The following FASTKD1 variants were observed in gnomAD, a reference collection of about 807,000 sequenced individuals.
The protein encoded by FASTKD1 is FAST kinase domain-containing protein 1, mitochondrial.
A neutral mutation model predicts 90.9 loss-of-function variants in FASTKD1; 94 were observed. The ratio of observed to expected loss-of-function variants is 1.03; its 90% CI spans 0.88 to 1.23. The LOEUF is 1.23. FASTKD1 is among the 50% of genes most tolerant of loss of function. The pLI, the probability that FASTKD1 is intolerant of heterozygous loss-of-function variation, is 0.00. For synonymous variants in FASTKD1, 319 were observed against 345.8 expected, an observed-to-expected ratio of 0.92 and a Z score of 0.86; for missense variants, 945 against 993.5, an observed-to-expected ratio of 0.95 and a Z score of 0.66.
intron 9 of FASTKD1, among the ~76,000 whole-genome samples, chr2:169,544,438 G>A (rs1574378964): frequency 6.6e-6 from 1 of 151,988 alleles, no homozygotes. Context: ...GGGTGTGGTG[G>A]CACATGCTTA....
At chr2:169,568,801 C>A (rs1364281309) in intron 3 of FASTKD1, among the ~76,000 whole-genome samples, 1 of 151,772 alleles carries the variant, frequency 6.6e-6, no homozygotes, top group African/African-American at 2.4e-5. Flanking sequence ...GAGTTCAAGA[C>A]CAGCCTGGCC....
rs778610383 is a variant in FASTKD1 at position 169,560,707 on chromosome 2, TTC to T, written c.649_650del (p.Glu217ThrfsTer4). The T allele has an allele frequency of 2.1e-5, 34 of 1,609,010 alleles. No homozygotes were observed. The South Asian group carries it at 2.5e-4, about 12-fold the overall frequency. Reference protein sequence around the residue: ...HFQQQLVNKTELLFDTIDSSE... With the variant: ...HFQQQLVNKTXLLFDTIDSSE... Reference sequence around the variant, plus strand: ...AAGAATCTATGGTGTCAAAAAGAAGTTCTGTTTTGTTCACCAGTTGTTGTTGA... The same window carrying T: ...AAGAATCTATGGTGTCAAAAAGAAGTTGTTTTGTTCACCAGTTGTTGTTGA... On this transcript the variant is annotated frameshift_variant, in exon 5 of 15. Transcript: ENST00000453153. LOFTEE classifies it high-confidence loss of function.
intron 2 of FASTKD1, chr2:169,570,900 T>G (rs1433063425): frequency 6.6e-6 from 1 of 152,124 alleles, no homozygotes; most frequent in African/African-American, 2.4e-5. Flanking sequence ...GGTCTTGAAC[T>G]CCTGACCTCA....
chr2:169,568,475 T>C (rs902862200), intron 3 of FASTKD1, among the ~76,000 whole-genome samples: 2 of 149,430 alleles, frequency 1.3e-5, no homozygotes, highest in Non-Finnish European at 3.0e-5. Flanking sequence ...AGAGGAAAAA[T>C]ATGAAATACT....
At chr2:169,572,577 T>G (rs1199787570) in intron 1 of FASTKD1, among the ~76,000 whole-genome samples, 2 of 151,408 alleles carry the variant, frequency 1.3e-5, no homozygotes, top group Admixed American at 6.6e-5. Context: ...TTTTCAGAAG[T>G]ATGGTCTCAG....
rs1447032973 is a variant in FASTKD1 at position 169,571,450 on chromosome 2, T to C, written c.377+203A>G. On this transcript the variant is annotated intron_variant, in intron 2 of 14. Transcript: ENST00000453153. ...GTGGTGGCAGGCGCCTGTAGTCCCA[T>C]TGACTCGGAAGGCTGAGGCAGGAGA... Among the ~76,000 whole-genome samples, 5 of 149,020 alleles carry C rather than the reference T, an allele frequency of 3.4e-5. No individual in the cohort carries two copies. The highest frequency in any genetic ancestry group is 9.9e-5 in the African/African-American group (4 of 40,414).
chr2:169,566,842 C>T (rs535691577), intron 3 of FASTKD1, among the ~76,000 whole-genome samples: 41 of 152,302 alleles, frequency 2.7e-4, no homozygotes, highest in Admixed American at 9.8e-4. Flanking sequence ...ACAGGCTGGG[C>T]ACAGTGGCTC....
At chr2:169,531,630 C>A in intron 12 of FASTKD1, 140 bp from the exon 13 acceptor site, 1 of 648,448 alleles carries the variant, frequency 1.5e-6, no homozygotes, top group Non-Finnish European at 2.5e-6. Context: ...CTCAGATTAT[C>A]CAAGTTATTT....
At chr2:169,536,075 G>A (rs1684711483) in intron 12 of FASTKD1, among the ~76,000 whole-genome samples, 1 of 151,670 alleles carries the variant, frequency 6.6e-6, no homozygotes, top group Admixed American at 6.6e-5. Flanking sequence ...GAGCCCAGGA[G>A]TTTGAGACCA....
intron 14 of FASTKD1, among the ~76,000 whole-genome samples, chr2:169,530,163 C>A (rs1684416371): frequency 6.6e-6 from 1 of 152,092 alleles, no homozygotes; most frequent in African/African-American, 2.4e-5. Context: ...ACATTTTTTC[C>A]TACATAGTCT....
intron 14 of FASTKD1, 63 bp from the exon 15 acceptor site, chr2:169,529,989 G>A (rs1276403352): frequency 7.0e-6 from 8 of 1,145,282 alleles, no homozygotes; most frequent in Non-Finnish European, 1.0e-5. Flanking sequence ...CATTGAGGAA[G>A]ACATATAAGC....
At position 169,537,345 on chromosome 2, in the gene FASTKD1, A is replaced by AT; in HGVS notation, c.2075-6dup. ...TTCCATCCATGCCACCAATACCTTT[A>AT]TAAAAAAATAAATAATTAGTCTACT... On this transcript the variant is annotated splice_polypyrimidine_tract_variant and splice_region_variant and intron_variant, in intron 11 of 14. Coordinates refer to ENST00000453153, the MANE Select transcript of FASTKD1 (RefSeq NM_024622.6). 1 of 1,520,796 alleles carries AT rather than the reference A, an allele frequency of 6.6e-7. No homozygotes were observed. The highest frequency in any genetic ancestry group is 1.4e-5 in the African/African-American group (1 of 72,174). The allele number at this position is 1,520,796 out of a possible 1,614,324, so 94.2% of individuals were successfully genotyped here. A position where few individuals can be genotyped will look rare whatever the true frequency, so the allele number is the denominator to read the frequency against.
chr2:169,564,952 C>CTTTTTTTTT (rs557658819), intron 3 of FASTKD1, among the ~76,000 whole-genome samples: 1 of 109,012 alleles, frequency 9.2e-6, no homozygotes, highest in African/African-American at 3.2e-5. Context: ...CCACATTTTT[C>CTTTTTTTTT]TTTTTTTTTT....
intron 9 of FASTKD1, among the ~76,000 whole-genome samples, chr2:169,541,156 C>T (rs1684940747): frequency 6.6e-6 from 1 of 152,226 alleles, no homozygotes; most frequent in Non-Finnish European, 1.5e-5. Flanking sequence ...CAAAATTCGT[C>T]TTTACTCAAA....
chr2:169,572,457 GA>G (rs1280294661), intron 1 of FASTKD1, among the ~76,000 whole-genome samples: 1 of 151,458 alleles, frequency 6.6e-6, no homozygotes, highest in Non-Finnish European at 1.5e-5. Flanking sequence ...CGAAAAAGAG[GA>G]AAATTGTTTA....
chr2:169,558,234 G>A (rs1279076530), intron 5 of FASTKD1, among the ~76,000 whole-genome samples: 3 of 152,138 alleles, frequency 2.0e-5, no homozygotes, highest in Admixed American at 6.6e-5. Flanking sequence ...GACAAAAAAC[G>A]GTTCCAATAA....
intron 9 of FASTKD1, among the ~76,000 whole-genome samples, chr2:169,544,477 A>G (rs1468203353): frequency 6.6e-6 from 1 of 152,162 alleles, no homozygotes; most frequent in Non-Finnish European, 1.5e-5. Flanking sequence ...TGACTGAGGC[A>G]GGAGAATCAC....
Position 169,529,920 on chromosome 2 carries a change from G to A in FASTKD1, c.2449C>T (p.Gln817Ter). ...AGTGCCATAGAGTTCCATTCAAACT[G>A]GGAAATCTGAAAATAAGTAATGTTG... ...ILGYRVIQISQFEWNSMALST... is the reference protein window; with the variant it reads ...ILGYRVIQIS Residue 817 changes from glutamine (Q) to a stop codon, truncating the protein, a stop_gained, in exon 15 of 15, where the codon CAG becomes TAG. Transcript: ENST00000453153. LOFTEE classifies it high-confidence loss of function. 6.2e-7 allele frequency: 1 copy of A among 1,605,154 alleles called. No individual in the cohort carries two copies. The highest frequency in any genetic ancestry group is 8.5e-7 in the Non-Finnish European group (1 of 1,175,470).
chr2:169,560,344 G>A (rs1483323326), intron 5 of FASTKD1, 43 bp downstream of exon 5: 20 of 1,475,198 alleles, frequency 1.4e-5, no homozygotes, highest in South Asian at 4.3e-5. Context: ...AAGGCTCCAC[G>A]TATTCACAAC....
Sources: allele counts gnomAD v4.1 joint callset (sites outside exome capture counted in the v4.1 genomes callset), GRCh38; gene constraint gnomAD v4.1.1; transcripts MANE v1.5; gene names NCBI Gene and HGNC (gene_info 2026-07-23, HGNC 2026-07-21).